MN1: variants seen among roughly 807,000 people sequenced by gnomAD.
MN1 encodes transcriptional activator MN1.
A neutral mutation model predicts 86.9 loss-of-function variants in MN1; 19 were observed. That is an observed-to-expected ratio of 0.22 (90% confidence interval 0.15 to 0.32). The LOEUF (loss-of-function observed/expected upper bound fraction) is 0.32. Ranked by LOEUF, MN1 falls within the 10% of genes least tolerant of loss-of-function variation. The pLI is 1.00. For synonymous variants in MN1, 928 were observed against 849.6 expected (o/e 1.09, Z -1.60); for missense variants, 1,841 against 1,862.0 (o/e 0.99, Z 0.21).
In MN1 at chr22:27,750,874, G is replaced by C; in HGVS notation, c.*41C>G. On this transcript the variant is annotated 3_prime_UTR_variant, in exon 2 of 2. Coordinates refer to ENST00000302326, the MANE Select transcript of MN1 (RefSeq NM_002430.3). Reference sequence around the variant, plus strand: ...TGAGGGGGAAGGAAACAGACAGGGGGAGAGGAAGGGCCTGGTAGAGGAGGG... The same window carrying C: ...TGAGGGGGAAGGAAACAGACAGGGGCAGAGGAAGGGCCTGGTAGAGGAGGG... 6.6e-7 allele frequency: 1 copy of C among 1,509,570 alleles called. No individual in the cohort carries two copies. The highest frequency in any genetic ancestry group is 9.0e-7 in the Non-Finnish European group (1 of 1,112,322). The allele number at this position is 1,509,570 out of a possible 1,614,324, so 93.5% of individuals were successfully genotyped here.
chr22:27,766,828 C>G (rs1030797740), intron 1 of MN1, among the ~76,000 whole-genome samples: 1 of 152,166 alleles, frequency 6.6e-6, no homozygotes, highest in Non-Finnish European at 1.5e-5. Flanking sequence ...CCCTCCTCGT[C>G]CCGAAGGCTT....
intron 1 of MN1, among the ~76,000 whole-genome samples, chr22:27,763,007 A>G (rs1206481245): frequency 1.3e-5 from 2 of 152,180 alleles, no homozygotes; most frequent in African/African-American, 4.8e-5. Context: ...ACTTGGTAGG[A>G]TCACTTGAAA....
intron 1 of MN1, among the ~76,000 whole-genome samples, chr22:27,785,202 T>G (rs1933109930): frequency 6.6e-6 from 1 of 152,192 alleles, no homozygotes; most frequent in South Asian, 2.1e-4. Context: ...AATACTGCTA[T>G]TTTCCCATTA....
chr22:27,785,300 G>A (rs953326364), intron 1 of MN1, among the ~76,000 whole-genome samples: 4 of 152,122 alleles, frequency 2.6e-5, no homozygotes, highest in Admixed American at 2.6e-4. Flanking sequence ...TGTGGCCTCC[G>A]CCGTTCCTAA....
In MN1 at chr22:27,750,720, T is replaced by G. The variant is rs1932755840; in HGVS notation, c.*195A>C. ...TTCTTTTTTAAAAAAACTTTTGAGG[T>G]TCCCCCCCTTTAAATTAACCCTTTC... On this transcript the variant is annotated 3_prime_UTR_variant, in exon 2 of 2. Coordinates refer to ENST00000302326, the MANE Select transcript of MN1 (RefSeq NM_002430.3). 2 of 442,610 alleles carry G rather than the reference T, an allele frequency of 4.5e-6. No homozygotes were observed. The highest frequency in any genetic ancestry group is 7.9e-6 in the Non-Finnish European group (2 of 254,530). 27.4% of individuals were successfully genotyped at this position (442,610 alleles called of 1,614,324 possible).
At chr22:27,793,860 G>A (rs773825122) in intron 1 of MN1, among the ~76,000 whole-genome samples, 5 of 152,126 alleles carry the variant, frequency 3.3e-5, no homozygotes, top group Non-Finnish European at 5.9e-5. Context: ...GTTAAATACC[G>A]ACTAGTATTT....
intron 1 of MN1, among the ~76,000 whole-genome samples, chr22:27,783,082 G>C (rs1178883385): frequency 6.6e-6 from 1 of 151,754 alleles, no homozygotes; most frequent in East Asian, 1.9e-4. Flanking sequence ...AAGAGGAAGG[G>C]AACAAGGGTT....
chr22:27,764,121 C>T (rs1156521566), intron 1 of MN1, among the ~76,000 whole-genome samples: 3 of 152,162 alleles, frequency 2.0e-5, no homozygotes, highest in Non-Finnish European at 4.4e-5. Context: ...CGTGTTCCTG[C>T]CAGCAATGGG....
intron 1 of MN1, among the ~76,000 whole-genome samples, chr22:27,762,714 G>A (rs1052441078): frequency 6.6e-6 from 1 of 151,992 alleles, no homozygotes; most frequent in African/African-American, 2.4e-5. Context: ...AAACACCAGG[G>A]CTGACACCTC....
At chr22:27,787,719 T>C (rs1448751386) in intron 1 of MN1, among the ~76,000 whole-genome samples, 1 of 152,052 alleles carries the variant, frequency 6.6e-6, no homozygotes, top group South Asian at 2.1e-4. Flanking sequence ...GTCACTCCCT[T>C]TTCCCACCCC....
rs1228112267 is a variant in MN1, at chr22:27,755,484, C to T, written c.3782-4388G>A. ...AAGACTGCAGGACAGTTTTTAAGGACAGCTATGGCCAGAAAGAACCACCTC... is the reference window on the plus strand; with the variant it reads ...AAGACTGCAGGACAGTTTTTAAGGATAGCTATGGCCAGAAAGAACCACCTC... On this transcript the variant is annotated intron_variant, in intron 1 of 1. Coordinates refer to ENST00000302326, the MANE Select transcript of MN1 (RefSeq NM_002430.3). 2.0e-5 allele frequency among the ~76,000 whole-genome samples: 3 copies of T among 152,174 alleles called. No individual in the cohort carries two copies. In the East Asian group the frequency reaches 5.8e-4, roughly 29 times the overall value.
rs770809748 is a variant in MN1, at chr22:27,799,228, T to C, written c.1316A>G (p.Asn439Ser). 4.4e-6 allele frequency: 7 copies of C among 1,597,704 alleles called. No homozygotes were observed. The highest frequency in any genetic ancestry group is 4.5e-5 in the East Asian group (2 of 44,534). ...CGCGTCGAAATGCTGCAGCCGCTGG[T>C]TGGGCGCCTGCTGCGGAGGAGGATG... Reference protein sequence around the residue: ...MQHPPPQQAPNQRLQHFDAPP... With the variant: ...MQHPPPQQAPSQRLQHFDAPP... Residue 439 changes from asparagine to serine, a missense_variant, in exon 1 of 2, where the codon AAC becomes AGC. Transcript: ENST00000302326.
chr22:27,771,941 G>A (rs913833708), intron 1 of MN1, among the ~76,000 whole-genome samples: 15 of 152,160 alleles, frequency 9.9e-5, no homozygotes, highest in Non-Finnish European at 1.6e-4. Context: ...GGGTTCCACC[G>A]CCGTATATCA....
intron 1 of MN1, among the ~76,000 whole-genome samples, chr22:27,776,274 G>T (rs940985154): frequency 6.6e-6 from 1 of 152,180 alleles, no homozygotes; most frequent in African/African-American, 2.4e-5. Context: ...GAGGTCCCAG[G>T]GGGAGCTCAA....
rs1312199511 is a variant in MN1, at chr22:27,749,203, T to C, written c.*1712A>G. ...AGAAGGGAGGGGAAAGAGTGAGGTT[T>C]TTCTGAAAGCTCCTCTCCCTTCGCT... On this transcript the variant is annotated 3_prime_UTR_variant, in exon 2 of 2. Transcript: ENST00000302326. 1 of 230,144 alleles carries C rather than the reference T, an allele frequency of 4.3e-6. No homozygotes were observed. Among genetic ancestry groups the C allele is most frequent in the Non-Finnish European group, 8.6e-6 (1 of 116,400 alleles). 14.3% of individuals were successfully genotyped at this position (230,144 alleles called of 1,614,324 possible).
rs1326517949 is a variant in MN1 at position 27,797,716 on chromosome 22, C to G, written c.2828G>C (p.Arg943Pro). ...KPVSGGGGRG[R>P]GRRKRDSGHV... ...ACCACTGTCCCTTTTTCTGCGACCC[C>G]GTCCCCGGCCGCCGCCCCCGGAGAC... The change falls in exon 1 of 2, where the codon CGG becomes CCG. Residue 943 changes from arginine to proline, a missense_variant. Physicochemically the swap from Arg to Pro is moderately radical, Grantham distance 103. Coordinates refer to ENST00000302326, the MANE Select transcript of MN1 (RefSeq NM_002430.3). 1.2e-6 allele frequency: 2 copies of G among 1,611,000 alleles called. No homozygotes were observed. Among genetic ancestry groups the G allele is most frequent in the Admixed American group, 1.7e-5 (1 of 59,812 alleles).
intron 1 of MN1, among the ~76,000 whole-genome samples, chr22:27,785,368 G>A (rs905434693): frequency 3.9e-5 from 6 of 152,138 alleles, no homozygotes; most frequent in African/African-American, 1.4e-4. Flanking sequence ...GGGGCCGGCC[G>A]CTTCTCCACG....
intron 1 of MN1, among the ~76,000 whole-genome samples, 197 bp downstream of exon 1, chr22:27,796,566 T>TG (rs1405552945): frequency 5.5e-4 from 18 of 32,736 alleles, no homozygotes; most frequent in African/African-American, 2.3e-3. Context: ...GTGGGGGGCT[T>TG]GGGGGCAGTG....
chr22:27,800,738 G>A lies in MN1; in HGVS notation c.-195C>T, dbSNP rs1271401002. 1.5e-6 allele frequency: 1 copy of A among 654,248 alleles called. No homozygotes were observed. Among genetic ancestry groups the A allele is most frequent in the Admixed American group, 2.9e-5 (1 of 34,008 alleles). 40.5% of individuals were successfully genotyped at this position (654,248 alleles called of 1,614,324 possible). On this transcript the variant is annotated 5_prime_UTR_variant, in exon 1 of 2. Transcript: ENST00000302326. ...GTATTAGCTCCTCTCCTGAAGCTCC[G>A]ATTCTGCCCGGGGAGGGCCTCTCAC...
Sources: gnomAD v4.1 joint callset for allele counts (sites outside exome capture counted in the v4.1 genomes callset) on GRCh38, gnomAD v4.1.1 for gene constraint, MANE v1.5 for transcripts, NCBI Gene and HGNC (gene_info 2026-07-23, HGNC 2026-07-21) for gene names.